The following C16orf46 variants were observed in gnomAD, a reference collection of about 807,000 sequenced individuals.
The protein encoded by C16orf46 is uncharacterized protein C16orf46.
Under a neutral mutation model 5.5 loss-of-function variants are expected in C16orf46, and 7 were observed. That is an observed-to-expected ratio of 1.28 (90% CI 0.73 to 2.40). The LOEUF (loss-of-function observed/expected upper bound fraction) is 2.40, where lower values mean the gene tolerates loss of function less well. C16orf46 is among the 30% of genes most tolerant of loss of function. The pLI is 0.00. For synonymous variants in C16orf46, 200 were observed against 184.1 expected (o/e 1.09, Z -0.70); for missense variants, 614 against 476.0 (o/e 1.29, Z -2.70).
At chr16:81,072,827 G>A (rs929463550) in intron 1 of C16orf46, among the ~76,000 whole-genome samples, 10 of 151,992 alleles carry the variant, frequency 6.6e-5, no homozygotes, top group Middle Eastern at 3.4e-3. Context: ...TCAGTCTCCT[G>A]AGTAGCTGGG....
In C16orf46 at chr16:81,061,883, A is replaced by G; in HGVS notation, c.466T>C (p.Phe156Leu). 6.2e-7 allele frequency: 1 copy of G among 1,614,210 alleles called. No individual in the cohort carries two copies. ...AISDICFPTY[F>L]RAEKKSLQIK... ...TGCAGACTTTTTTTCTCTGCTCGAAAGTAGGTGGGAAAGCAGATGTCGCTA... is the reference window on the plus strand; with the variant it reads ...TGCAGACTTTTTTTCTCTGCTCGAAGGTAGGTGGGAAAGCAGATGTCGCTA... The change falls in exon 4 of 4, where the codon TTT becomes CTT. Residue 156 changes from phenylalanine (F) to leucine (L), a missense_variant. Transcript: ENST00000299578.
chr16:81,076,858 T>A (rs918418364), intron 1 of C16orf46: 3 of 152,462 alleles, frequency 2.0e-5, no homozygotes, highest in Admixed American at 1.3e-4. Flanking sequence ...TGCCCTTCTT[T>A]CAAACTATCC....
At chr16:81,058,443 G>A (rs1971368011), downstream of C16orf46, among the ~76,000 whole-genome samples, 1 of 152,140 alleles carries the variant, frequency 6.6e-6, no homozygotes. Flanking sequence ...GCACAGTGAT[G>A]GTGTTTAGAC....
intron 1 of C16orf46, among the ~76,000 whole-genome samples, chr16:81,075,268 T>TA (rs35617873): frequency 0.88 from 132,471 of 151,146 alleles, 58,512 homozygotes; most frequent in South Asian, 0.94. Flanking sequence ...CTTTTTTTTT[T>TA]AACACCTATT....
intron 1 of C16orf46, among the ~76,000 whole-genome samples, chr16:81,069,646 C>G (rs1362211135): frequency 6.6e-6 from 1 of 152,144 alleles, no homozygotes; most frequent in Non-Finnish European, 1.5e-5. Flanking sequence ...CCACATTAAT[C>G]TGGTATCATT....
At chr16:81,070,166 G>C (rs1253837446) in intron 1 of C16orf46, among the ~76,000 whole-genome samples, 1 of 151,738 alleles carries the variant, frequency 6.6e-6, no homozygotes, top group Non-Finnish European at 1.5e-5. Flanking sequence ...GGATTCTAAA[G>C]TTTATATGAA....
intron 1 of C16orf46, among the ~76,000 whole-genome samples, chr16:81,073,779 T>A (rs1248446559): frequency 6.6e-6 from 1 of 151,552 alleles, no homozygotes; most frequent in Non-Finnish European, 1.5e-5. Flanking sequence ...GTGGATGGCA[T>A]TTAGGAGCTG....
Position 81,061,356 on chromosome 16 carries a change from T to TGCA in C16orf46, c.992_993insTGC (p.Gly331_Val332insAla), listed in dbSNP as rs1971462686. ...TGAATTTGGATTTGTAGCTTTGCAC[T>TGCA]CCCCGTTTCTGCAGAAGCTGCAAGG... On this transcript the variant is annotated inframe_insertion, in exon 4 of 4. Coordinates refer to ENST00000299578, the MANE Select transcript of C16orf46 (RefSeq NM_152337.3). 3 of 1,614,014 alleles carry TGCA rather than the reference T, an allele frequency of 1.9e-6. No individual in the cohort carries two copies. In the African/African-American group the frequency reaches 4.0e-5, roughly 22 times the overall value.
downstream of C16orf46, chr16:81,060,890 A>G: frequency 1.1e-6 from 1 of 948,868 alleles, no homozygotes; most frequent in Non-Finnish European, 1.4e-6. Flanking sequence ...GGGGCTGGCA[A>G]GACCAATTGG....
rs116266033 is a variant in C16orf46, at chr16:81,071,045, T to C, written c.-127-4764A>G. On this transcript the variant is annotated intron_variant, in intron 1 of 3. Transcript: ENST00000299578. ...GACTCCAGAGTCCATGTGTACTTCT[T>C]TTCACTATATGGTGTGGACATACTT... 6.9e-3 allele frequency among the ~76,000 whole-genome samples: 1,048 copies of C among 152,240 alleles called. 12 individuals carry two copies. Among genetic ancestry groups the C allele is most frequent in the African/African-American group, 0.024 (997 of 41,524 alleles).
At chr16:81,065,230 TG>T (rs1237850384) in intron 2 of C16orf46, among the ~76,000 whole-genome samples, 1 of 152,112 alleles carries the variant, frequency 6.6e-6, no homozygotes, top group African/African-American at 2.4e-5. Flanking sequence ...CCCAGTACTT[TG>T]GGATGCCGAG....
rs1195739733 is a variant in C16orf46 at position 81,063,894 on chromosome 16, A to C, written c.62T>G (p.Phe21Cys). 1 of 1,613,618 alleles carries C rather than the reference A, an allele frequency of 6.2e-7. No individual in the cohort carries two copies. Among genetic ancestry groups the C allele is most frequent in the African/African-American group, 1.3e-5 (1 of 74,900 alleles). ...ATAGGTTGGTTCTGTTTCTTCTGTGAACTGAATTTCATTATTTTCAGCATT... is the reference window on the plus strand; with the variant it reads ...ATAGGTTGGTTCTGTTTCTTCTGTGCACTGAATTTCATTATTTTCAGCATT... ...LENAENNEIQ[F>C]TEETEPTYTC... The change falls in exon 3 of 4, where the codon TTC becomes TGC. Residue 21 changes from phenylalanine to cysteine, a missense_variant. Coordinates refer to ENST00000299578, the MANE Select transcript of C16orf46 (RefSeq NM_152337.3).
downstream of C16orf46, among the ~76,000 whole-genome samples, chr16:81,058,614 C>G (rs572168163): frequency 9.8e-5 from 15 of 152,340 alleles, no homozygotes; most frequent in Non-Finnish European, 7.3e-5. Flanking sequence ...CAAATGCCAG[C>G]TTGCAGGCCA....
At position 81,061,331 on chromosome 16, in the gene C16orf46, TG is replaced by T; in HGVS notation, c.1017del (p.Phe339LeufsTer10). ...KRGVQSYKSK[F>X]KAKEPRSPVI... ...ACAGGAGATCTTGGCTCCTTGGCTT[TG>T]AATTTGGATTTGTAGCTTTGCACTC... On this transcript the variant is annotated frameshift_variant, in exon 4 of 4. Transcript: ENST00000299578. LOFTEE classifies it low-confidence loss of function (END_TRUNC). 6.2e-7 allele frequency: 1 copy of T among 1,614,126 alleles called. No individual in the cohort carries two copies. The highest frequency in any genetic ancestry group is 8.5e-7 in the Non-Finnish European group (1 of 1,180,020).
chr16:81,067,840 T>C (rs993718326), intron 1 of C16orf46, among the ~76,000 whole-genome samples: 1 of 152,128 alleles, frequency 6.6e-6, no homozygotes, highest in Non-Finnish European at 1.5e-5. Context: ...AATGAACAGA[T>C]AACAAGGTTT....
rs145523824 is a variant in C16orf46 at position 81,055,821 on chromosome 16, A to C, written c.1144-1727T>G. 6.9e-3 allele frequency among the ~76,000 whole-genome samples: 1,045 copies of C among 152,276 alleles called. 14 individuals carry two copies. Among genetic ancestry groups the C allele is most frequent in the African/African-American group, 0.023 (955 of 41,568 alleles). Reference sequence around the variant, plus strand: ...TGCAACCTCTGCCTCCCCGGGTTCAAGCGACTCTCCTGCCTAATCCCAAGT... The same window carrying C: ...TGCAACCTCTGCCTCCCCGGGTTCACGCGACTCTCCTGCCTAATCCCAAGT... On this transcript the variant is annotated intron_variant, in intron 3 of 3. Transcript: ENST00000378611.
rs372619934 is a variant in C16orf46 at position 81,061,158 on chromosome 16, C to G, written c.*3G>C. The G allele has an allele frequency of 1.9e-6, 3 of 1,593,992 alleles. No homozygotes were observed. The highest frequency in any genetic ancestry group is 1.7e-6 in the Non-Finnish European group (2 of 1,169,204). Reference sequence around the variant, plus strand: ...TTATTCCCAGGGGTTCTACCGCAACCGCTCAGAGGATCCTGTGGGTAGAGA... The same window carrying G: ...TTATTCCCAGGGGTTCTACCGCAACGGCTCAGAGGATCCTGTGGGTAGAGA... On this transcript the variant is annotated 3_prime_UTR_variant, in exon 4 of 4. Coordinates refer to ENST00000299578, the MANE Select transcript of C16orf46 (RefSeq NM_152337.3).
chr16:81,072,460 A>T (rs1971888706), intron 1 of C16orf46, among the ~76,000 whole-genome samples: 1 of 152,016 alleles, frequency 6.6e-6, no homozygotes, highest in Non-Finnish European at 1.5e-5. Flanking sequence ...ATCTTAGCTC[A>T]CTGCAACTTC....
chr16:81,053,862 G>T (rs1402670259), exon 4 of C16orf46: 13 of 518,002 alleles, frequency 2.5e-5, no homozygotes, highest in Non-Finnish European at 3.1e-5. Context: ...GGGTTGGGGA[G>T]ACCTAAAAGA....
Sources: gnomAD v4.1 joint callset for allele counts (sites outside exome capture counted in the v4.1 genomes callset) on GRCh38, gnomAD v4.1.1 for gene constraint, MANE v1.5 for transcripts, NCBI Gene and HGNC (gene_info 2026-07-23, HGNC 2026-07-21) for gene names.